CSTPP1: variants seen among roughly 807,000 people sequenced by gnomAD.
The protein encoded by CSTPP1 is UPF0705 protein C11orf49.
the CSTPP1 span, among the ~76,000 whole-genome samples, chr11:47,129,906 T>C: frequency 2.6e-5 from 4 of 152,168 alleles, no homozygotes; most frequent in Admixed American, 1.3e-4. Flanking sequence ...TACTGCCAAA[T>C]AGAAATAGAC....
chr11:47,036,901 G>A, the CSTPP1 span, among the ~76,000 whole-genome samples: 7 of 125,320 alleles, frequency 5.6e-5, 1 homozygote, highest in East Asian at 1.1e-3. Flanking sequence ...GGCTGGTCTC[G>A]AACTCCTGAC....
At chr11:47,031,726 T>G in the CSTPP1 span, among the ~76,000 whole-genome samples, 1 of 148,322 alleles carries the variant, frequency 6.7e-6, no homozygotes, top group African/African-American at 2.5e-5. Flanking sequence ...AAAAGAGATC[T>G]CTTAAAAAAA....
chr11:47,108,093 C>A, the CSTPP1 span, among the ~76,000 whole-genome samples: 1 of 152,244 alleles, frequency 6.6e-6, no homozygotes, highest in Non-Finnish European at 1.5e-5. Context: ...ATACACAGTG[C>A]AAATACTCAG....
chr11:47,125,953 G>A, the CSTPP1 span, among the ~76,000 whole-genome samples: 182 of 151,830 alleles, frequency 1.2e-3, 1 homozygote, highest in African/African-American at 4.3e-3. Context: ...GGAGGCAGAG[G>A]TTGTAGTGAG....
At chr11:47,051,683 T>C in the CSTPP1 span, among the ~76,000 whole-genome samples, 2 of 151,060 alleles carry the variant, frequency 1.3e-5, no homozygotes, top group African/African-American at 4.9e-5. Flanking sequence ...AGAAATAATA[T>C]CTTTTTTCTT....
chr11:47,068,856 G>C, the CSTPP1 span, among the ~76,000 whole-genome samples: 1 of 152,032 alleles, frequency 6.6e-6, no homozygotes, highest in African/African-American at 2.4e-5. Context: ...TGTAATCTCA[G>C]CTTTCATGCC....
chr11:47,161,312 T>A, the CSTPP1 span: 1 of 1,592,364 alleles, frequency 6.3e-7, no homozygotes, highest in South Asian at 1.1e-5. Context: ...GGGAAGGGTC[T>A]GGGGGCCAGT....
the CSTPP1 span, among the ~76,000 whole-genome samples, chr11:47,076,190 C>T: frequency 3.3e-5 from 5 of 152,148 alleles, no homozygotes; most frequent in African/African-American, 9.7e-5. Flanking sequence ...AAAAGATTGT[C>T]AATGTCTATC....
the CSTPP1 span, among the ~76,000 whole-genome samples, chr11:46,986,938 T>C: frequency 1.3e-5 from 2 of 152,232 alleles, no homozygotes; most frequent in African/African-American, 2.4e-5. Flanking sequence ...ACCCTTGTGA[T>C]TGAGATGAAG....
chr11:47,119,034 G>T, the CSTPP1 span, among the ~76,000 whole-genome samples: 1 of 152,248 alleles, frequency 6.6e-6, no homozygotes, highest in Non-Finnish European at 1.5e-5. Flanking sequence ...GTTGTCTGCT[G>T]CCTTTTGTTC....
chr11:47,026,042 T>C, the CSTPP1 span, among the ~76,000 whole-genome samples: 5 of 152,164 alleles, frequency 3.3e-5, no homozygotes, highest in Non-Finnish European at 7.3e-5. Flanking sequence ...CACCTGTGAC[T>C]AAACTCAGCT....
chr11:47,017,203 C>T, the CSTPP1 span, among the ~76,000 whole-genome samples: 27 of 125,104 alleles, frequency 2.2e-4, no homozygotes, highest in African/African-American at 8.2e-4. Context: ...GAGATGGAGT[C>T]TCACTCTGTT....
chr11:47,092,141 A>G, the CSTPP1 span, among the ~76,000 whole-genome samples: 1 of 152,232 alleles, frequency 6.6e-6, no homozygotes, highest in Non-Finnish European at 1.5e-5. Context: ...GAGTGTGTAA[A>G]TAACATATTC....
At chr11:47,159,318 T>C in the CSTPP1 span, among the ~76,000 whole-genome samples, 2 of 152,050 alleles carry the variant, frequency 1.3e-5, no homozygotes, top group Non-Finnish European at 2.9e-5. Context: ...AAGACCAGCC[T>C]GACCAACATG....
the CSTPP1 span, chr11:47,023,251 A>G: frequency 6.6e-6 from 1 of 152,246 alleles, no homozygotes; most frequent in African/African-American, 2.4e-5. Context: ...ACTTTTTAAA[A>G]AATATGATAA....
chr11:47,010,734 GT>G, the CSTPP1 span, among the ~76,000 whole-genome samples: 1 of 152,146 alleles, frequency 6.6e-6, no homozygotes, highest in Admixed American at 6.5e-5. Context: ...TCTCATAAAT[GT>G]TATTTGGTAG....
At chr11:46,972,288 A>G in the CSTPP1 span, among the ~76,000 whole-genome samples, 1 of 152,190 alleles carries the variant, frequency 6.6e-6, no homozygotes, top group Non-Finnish European at 1.5e-5. Flanking sequence ...ATCCTCCTCC[A>G]TGATCTAGTG....
chr11:47,102,470 T>C, the CSTPP1 span, among the ~76,000 whole-genome samples: 6 of 152,052 alleles, frequency 3.9e-5, no homozygotes, highest in East Asian at 1.2e-3. Context: ...GGGGCAAAAA[T>C]TGGTTCTTTG....
At chr11:47,068,740 A>G in the CSTPP1 span, among the ~76,000 whole-genome samples, 2 of 152,152 alleles carry the variant, frequency 1.3e-5, no homozygotes, top group Admixed American at 6.5e-5. Context: ...ATTATCAAGC[A>G]TTTTATAAAA....
Sources: allele counts gnomAD v4.1 joint callset (sites outside exome capture counted in the v4.1 genomes callset), GRCh38; gene constraint gnomAD v4.1.1; transcripts MANE v1.5; gene names NCBI Gene and HGNC (gene_info 2026-07-23, HGNC 2026-07-21).